The following TVP23C variants were observed in gnomAD, a reference collection of about 807,000 sequenced individuals.
The protein encoded by TVP23C is trans-golgi network vesicle protein 23 homolog C.
A neutral mutation model predicts 28.7 loss-of-function variants in TVP23C; 19 were observed. The observed-to-expected ratio is 0.66, with a 90% CI of 0.46 to 0.97. The LOEUF (loss-of-function observed/expected upper bound fraction) is 0.97, where lower values mean the gene tolerates loss of function less well. Among genes scored for constraint, TVP23C ranks in the 50% least tolerant of loss-of-function variants. The probability of loss-of-function intolerance (pLI) is 0.00; values close to 1 mark genes in which losing one functional copy is unlikely to be tolerated. For synonymous variants in TVP23C, 68 were observed against 81.7 expected (o/e 0.83, Z 0.90); for missense variants, 186 against 241.3 (o/e 0.77, Z 1.52).
chr17:15,519,085 C>T (rs1982358779), intron 5 of TVP23C, among the ~76,000 whole-genome samples: 1 of 152,128 alleles, frequency 6.6e-6, no homozygotes, highest in South Asian at 2.1e-4. Flanking sequence ...TTTCCTGAGG[C>T]CTCCCCAGCC....
At chr17:15,527,736 C>A (rs1009378836) in intron 5 of TVP23C, among the ~76,000 whole-genome samples, 2 of 152,156 alleles carry the variant, frequency 1.3e-5, no homozygotes, top group Non-Finnish European at 2.9e-5. Flanking sequence ...ACTGGATCCA[C>A]AACTCAGATC....
chr17:15,506,946 C>G, intron 5 of TVP23C: 1 of 1,203,284 alleles, frequency 8.3e-7, no homozygotes, highest in Non-Finnish European at 1.2e-6. Context: ...TGTTTGCAAA[C>G]AAGATTCCAA....
intron 5 of TVP23C, among the ~76,000 whole-genome samples, chr17:15,530,311 G>GT (rs1330908912): frequency 6.6e-6 from 1 of 151,530 alleles, no homozygotes; most frequent in Non-Finnish European, 1.5e-5. Flanking sequence ...TATTTTTTGA[G>GT]TTTTTTTTCC....
rs28495834 is a variant in TVP23C, at chr17:15,563,390, C to G, written c.12+47G>C. The G allele has an allele frequency of 3.8e-6, 6 of 1,572,732 alleles. No individual in the cohort carries two copies. The Admixed American group carries it at 1.1e-4, about 29-fold the overall frequency. The stretch of plus-strand genomic sequence containing the variant: ...CTCCAGTCCCACGGAACCTGCAGAG[C>G]CAGTCCCAGGAGCCGCCACCCTCCC... On this transcript the variant is annotated intron_variant, in intron 1 of 5. Transcript: ENST00000518321.
At chr17:15,563,156 G>A (rs1197895735) in intron 1 of TVP23C, 1 of 503,344 alleles carries the variant, frequency 2.0e-6, no homozygotes. Flanking sequence ...CGGCAATAAG[G>A]GTTGAGGAAA....
intron 5 of TVP23C, among the ~76,000 whole-genome samples, chr17:15,522,321 T>C (rs1394148391): frequency 1.3e-5 from 2 of 152,188 alleles, no homozygotes; most frequent in Non-Finnish European, 2.9e-5. Flanking sequence ...TGAGCTGCTA[T>C]TCATAAGAAA....
intron 5 of TVP23C, among the ~76,000 whole-genome samples, chr17:15,510,541 T>C (rs770631347): frequency 5.3e-5 from 8 of 152,146 alleles, no homozygotes; most frequent in Non-Finnish European, 1.2e-4. Context: ...TGAAAACAGC[T>C]GGCTAAGAGC....
intron 5 of TVP23C, among the ~76,000 whole-genome samples, chr17:15,526,090 G>A (rs574368203): frequency 6.6e-6 from 1 of 152,134 alleles, no homozygotes; most frequent in African/African-American, 2.4e-5. Flanking sequence ...ATATCACCTT[G>A]GTCTTTGGGA....
chr17:15,515,002 C>T (rs144789775), intron 5 of TVP23C, among the ~76,000 whole-genome samples: 31 of 152,230 alleles, frequency 2.0e-4, no homozygotes, highest in African/African-American at 7.2e-4. Flanking sequence ...CTTTAGGTTT[C>T]CAACAGCCCA....
intron 3 of TVP23C, among the ~76,000 whole-genome samples, chr17:15,549,794 G>T (rs1489549256): frequency 6.6e-6 from 1 of 152,134 alleles, no homozygotes; most frequent in Admixed American, 6.5e-5. Flanking sequence ...ACAGATCTGG[G>T]AGGCAACACA....
chr17:15,531,503 C>T (rs1371639329), intron 5 of TVP23C, among the ~76,000 whole-genome samples: 3 of 151,622 alleles, frequency 2.0e-5, no homozygotes, highest in Non-Finnish European at 4.4e-5. Flanking sequence ...TCTTTCTGTT[C>T]CTCGGACTGG....
chr17:15,512,263 T>G (rs1378766781), intron 5 of TVP23C, among the ~76,000 whole-genome samples: 1 of 152,220 alleles, frequency 6.6e-6, no homozygotes, highest in Non-Finnish European at 1.5e-5. Context: ...GGAAAGACAC[T>G]GTAAGCCAGG....
At chr17:15,536,616 A>C (rs972664116), downstream of TVP23C, among the ~76,000 whole-genome samples, 5 of 151,896 alleles carry the variant, frequency 3.3e-5, no homozygotes, top group African/African-American at 1.2e-4. Context: ...ATGCAGTTCA[A>C]ATAACACAGT....
intron 5 of TVP23C, chr17:15,507,314 CA>C: frequency 1.3e-6 from 1 of 761,978 alleles, no homozygotes; most frequent in East Asian, 2.5e-5. Context: ...ATGGCAAGAC[CA>C]GCAAGAAGAT....
At chr17:15,506,377 ACT>A (rs1981742491) in intron 5 of TVP23C, among the ~76,000 whole-genome samples, 1 of 152,074 alleles carries the variant, frequency 6.6e-6, no homozygotes, top group South Asian at 2.1e-4. Context: ...ACCAGTCGAC[ACT>A]CTGTATCTAG....
intron 5 of TVP23C, among the ~76,000 whole-genome samples, chr17:15,520,710 T>C (rs1187984241): frequency 6.6e-6 from 1 of 152,200 alleles, no homozygotes; most frequent in Non-Finnish European, 1.5e-5. Flanking sequence ...ATTATAAATG[T>C]TCCCCTTAAC....
At chr17:15,523,313 CTT>C (rs1033716014) in intron 5 of TVP23C, among the ~76,000 whole-genome samples, 1 of 140,006 alleles carries the variant, frequency 7.1e-6, no homozygotes, top group Non-Finnish European at 1.6e-5. Flanking sequence ...CCTTTTTTTT[CTT>C]TTTTTTTTCT....
At chr17:15,542,338 C>T (rs1172931062) in intron 5 of TVP23C, among the ~76,000 whole-genome samples, 4 of 152,120 alleles carry the variant, frequency 2.6e-5, no homozygotes, top group African/African-American at 9.7e-5. Flanking sequence ...GGAGACGAAG[C>T]GCAGAAGGAT....
chr17:15,505,187 AAAC>A (rs768795146), intron 5 of TVP23C, among the ~76,000 whole-genome samples: 35 of 152,308 alleles, frequency 2.3e-4, no homozygotes, highest in East Asian at 5.8e-4. Flanking sequence ...AGGCAAAACA[AAAC>A]AACAACAACA....
Sources: gnomAD v4.1 joint callset for allele counts (sites outside exome capture counted in the v4.1 genomes callset) on GRCh38, gnomAD v4.1.1 for gene constraint, MANE v1.5 for transcripts, NCBI Gene and HGNC (gene_info 2026-07-23, HGNC 2026-07-21) for gene names.